The following NRG1 variants were observed in gnomAD, a reference collection of about 807,000 sequenced individuals.
NRG1 encodes neuregulin 1.
Under a neutral mutation model 63.8 loss-of-function variants are expected in NRG1, and 18 were observed. The observed-to-expected ratio is 0.28, with a 90% CI of 0.19 to 0.42. The LOEUF is 0.42. Among genes scored for constraint, NRG1 ranks in the 10% least tolerant of loss-of-function variants. NRG1 has a pLI of 1.00. For missense variants in NRG1, 762 were observed against 814.7 expected (o/e 0.94, Z 0.79); for synonymous variants, 302 against 301.3 (o/e 1.00, Z -0.02).
chr8:31,776,050 G>T (rs912205967), intron 1 of NRG1, among the ~76,000 whole-genome samples: 71 of 152,120 alleles, frequency 4.7e-4, no homozygotes, highest in African/African-American at 1.7e-3. Context: ...ATAGTAGAAA[G>T]CCTGCCAGAA....
intron 1 of NRG1, among the ~76,000 whole-genome samples, chr8:32,039,849 T>C (rs1819656249): frequency 6.6e-6 from 1 of 150,974 alleles, no homozygotes; most frequent in Non-Finnish European, 1.5e-5. Context: ...CAAGACCTTA[T>C]CGCTACAAAA....
intron 1 of NRG1, among the ~76,000 whole-genome samples, chr8:31,741,228 G>A (rs984964453): frequency 1.3e-5 from 2 of 151,938 alleles, no homozygotes; most frequent in African/African-American, 4.8e-5. Context: ...GGGCAGGAGG[G>A]AACAGGGGGA....
chr8:32,236,459 A>G (rs1424286047), intron 1 of NRG1, among the ~76,000 whole-genome samples: 1 of 152,134 alleles, frequency 6.6e-6, no homozygotes, highest in Admixed American at 6.6e-5. Context: ...TTTATTGATG[A>G]GTAGTAGTAT....
intron 5 of NRG1, chr8:32,647,642 G>A: frequency 1.3e-6 from 2 of 1,492,374 alleles, no homozygotes; most frequent in Non-Finnish European, 1.8e-6. Context: ...GTAAGATGCT[G>A]TATCATTTGG....
intron 7 of NRG1, among the ~76,000 whole-genome samples, chr8:32,744,684 T>C (rs1217108536): frequency 6.6e-6 from 1 of 152,088 alleles, no homozygotes; most frequent in Non-Finnish European, 1.5e-5. Context: ...ACATTTTTGG[T>C]GTTAAGAGTT....
chr8:32,009,980 T>C (rs1814480073), intron 1 of NRG1, among the ~76,000 whole-genome samples: 1 of 151,548 alleles, frequency 6.6e-6, no homozygotes, highest in African/African-American at 2.4e-5. Context: ...CGACATTTTC[T>C]TGACATTCAT....
chr8:32,579,637 G>T (rs1840298254), intron 1 of NRG1, among the ~76,000 whole-genome samples: 1 of 152,030 alleles, frequency 6.6e-6, no homozygotes. Context: ...ATGTACTAAG[G>T]TCCTGTGTAT....
intron 1 of NRG1, among the ~76,000 whole-genome samples, chr8:31,790,608 G>C (rs1373916154): frequency 1.3e-5 from 2 of 152,122 alleles, no homozygotes; most frequent in Admixed American, 1.3e-4. Flanking sequence ...AGCATCTGTA[G>C]CTCTGTTAGG....
intron 1 of NRG1, among the ~76,000 whole-genome samples, chr8:32,196,964 T>TTC (rs1843019818): frequency 1.7e-5 from 2 of 117,242 alleles, no homozygotes; most frequent in Non-Finnish European, 3.6e-5. Context: ...TTTTTTTTTT[T>TTC]TTTTTTTTTT....
intron 1 of NRG1, among the ~76,000 whole-genome samples, chr8:32,234,440 C>G (rs570894231): frequency 1.3e-5 from 2 of 152,132 alleles, no homozygotes; most frequent in African/African-American, 4.8e-5. Flanking sequence ...AGTTTGCTAT[C>G]CTAGGTTTTA....
chr8:32,141,232 G>T (rs1239247025), intron 1 of NRG1, among the ~76,000 whole-genome samples: 1 of 152,038 alleles, frequency 6.6e-6, no homozygotes, highest in Non-Finnish European at 1.5e-5. Context: ...AAGGAATGTG[G>T]TACCAGGGCA....
At chr8:31,852,294 T>C (rs1174069759) in intron 1 of NRG1, among the ~76,000 whole-genome samples, 11 of 150,064 alleles carry the variant, frequency 7.3e-5, no homozygotes, top group East Asian at 2.0e-4. Flanking sequence ...TTTTAATGAT[T>C]GCCATTCTAA....
rs537455672 is a variant in NRG1 at position 32,396,910 on chromosome 8, C to A, written c.38-198918C>A. ...TAATGTCCACATTTCTACCAAGCTT[C>A]TCTTCAAGGAAATCTATATTTTTTC... On this transcript the variant is annotated intron_variant, in intron 1 of 10. Coordinates refer to the NRG1 transcript ENST00000519301. 3.3e-5 allele frequency among the ~76,000 whole-genome samples: 5 copies of A among 152,328 alleles called. No individual in the cohort carries two copies. In the East Asian group the frequency reaches 9.6e-4, roughly 29 times the overall value.
At position 32,530,264 on chromosome 8, in the gene NRG1, C is replaced by T. The variant is rs550787870; in HGVS notation, c.38-65564C>T. Among the ~76,000 whole-genome samples the T allele has an allele frequency of 3.8e-3, 574 of 152,194 alleles. 2 individuals carry two copies. The highest frequency in any genetic ancestry group is 9.0e-3 in the African/African-American group (374 of 41,532). On this transcript the variant is annotated intron_variant, in intron 1 of 10. Transcript: ENST00000519301. ...CTGGGACTACAGGTGCCCGCCACCA[C>T]GCCCGGCTAATTTTTTGTATTATTT...
intron 1 of NRG1, among the ~76,000 whole-genome samples, chr8:31,804,131 T>C (rs2131735756): frequency 1.3e-5 from 2 of 152,344 alleles, no homozygotes; most frequent in East Asian, 3.9e-4. Context: ...GGTCTTGATG[T>C]CTTTTCCATT....
At chr8:32,707,094 A>G (rs1816618801) in intron 5 of NRG1, among the ~76,000 whole-genome samples, 1 of 152,060 alleles carries the variant, frequency 6.6e-6, no homozygotes, top group African/African-American at 2.4e-5. Flanking sequence ...AGAAAAATGT[A>G]TTTTGTGCTG....
At chr8:31,799,776 G>A (rs1160293269) in intron 1 of NRG1, among the ~76,000 whole-genome samples, 1 of 151,844 alleles carries the variant, frequency 6.6e-6, no homozygotes, top group Non-Finnish European at 1.5e-5. Flanking sequence ...ACATATATAT[G>A]TTTTTTGTTT....
chr8:32,236,225 A>G (rs1313960169), intron 1 of NRG1, among the ~76,000 whole-genome samples: 1 of 151,844 alleles, frequency 6.6e-6, no homozygotes, highest in Non-Finnish European at 1.5e-5. Context: ...GTCTTGCCCC[A>G]CCCTGCAAGT....
intron 1 of NRG1, among the ~76,000 whole-genome samples, chr8:32,050,479 C>A (rs754759072): frequency 6.6e-6 from 1 of 152,000 alleles, no homozygotes; most frequent in Non-Finnish European, 1.5e-5. Context: ...GCTTATTGAC[C>A]AAACATGTGA....
Sources: gnomAD v4.1 joint callset for allele counts (sites outside exome capture counted in the v4.1 genomes callset) on GRCh38, gnomAD v4.1.1 for gene constraint, MANE v1.5 for transcripts, NCBI Gene and HGNC (gene_info 2026-07-23, HGNC 2026-07-21) for gene names.